Variants in ZNF704 observed in about 807,000 individuals in gnomAD.
ZNF704 encodes zinc finger protein 704.
In ZNF704, 10 loss-of-function variants were observed where a neutral mutation model predicts 44.7. The observed-to-expected ratio is 0.22, with a 90% confidence interval of 0.14 to 0.38. The LOEUF is 0.38. Among genes scored for constraint, ZNF704 ranks in the 10% least tolerant of loss-of-function variants. The pLI is 1.00. For missense variants in ZNF704, 390 were observed against 545.5 expected, an observed-to-expected ratio of 0.71 and a Z score of 2.84; for synonymous variants, 211 against 207.6, an observed-to-expected ratio of 1.02 and a Z score of -0.14.
intron 4 of ZNF704, chr8:80,673,154 A>C (rs756100654): frequency 1.9e-4 from 29 of 152,238 alleles, no homozygotes; most frequent in Admixed American, 3.3e-4. Flanking sequence ...CATGCCTTAA[A>C]TCATAATTAC....
intron 2 of ZNF704, among the ~76,000 whole-genome samples, chr8:80,767,482 T>C (rs1807247156): frequency 6.6e-6 from 1 of 152,194 alleles, no homozygotes; most frequent in Non-Finnish European, 1.5e-5. Flanking sequence ...AAATTTACTA[T>C]ATAATCAATA....
At chr8:80,768,844 TTC>T (rs1477672970) in intron 2 of ZNF704, among the ~76,000 whole-genome samples, 3 of 152,192 alleles carry the variant, frequency 2.0e-5, no homozygotes, top group African/African-American at 7.2e-5. Context: ...AAATGAGCAC[TTC>T]TTTCTTCTTC....
chr8:80,816,912 C>T (rs979883438), intron 2 of ZNF704, among the ~76,000 whole-genome samples: 1 of 152,126 alleles, frequency 6.6e-6, no homozygotes, highest in Non-Finnish European at 1.5e-5. Flanking sequence ...ATCAATCAAG[C>T]AATATCCCAG....
intron 1 of ZNF704, among the ~76,000 whole-genome samples, chr8:80,873,094 T>C (rs1331795938): frequency 6.6e-6 from 1 of 152,156 alleles, no homozygotes; most frequent in African/African-American, 2.4e-5. Flanking sequence ...GAAACACCGC[T>C]TTCTGGTTTC....
At chr8:80,654,674 T>C (rs1203335386) in intron 7 of ZNF704, among the ~76,000 whole-genome samples, 2 of 152,160 alleles carry the variant, frequency 1.3e-5, no homozygotes, top group Non-Finnish European at 2.9e-5. Flanking sequence ...TGGTGATCAT[T>C]AAAAAGTCAG....
chr8:80,801,751 G>A lies in ZNF704; in HGVS notation c.221+19623C>T, dbSNP rs182602793. 4.2e-4 allele frequency among the ~76,000 whole-genome samples: 63 copies of A among 150,934 alleles called. 1 individual carries two copies. Among genetic ancestry groups the A allele is most frequent in the African/African-American group, 1.2e-3 (49 of 41,340 alleles). ...ATTAATAACCTAAAAGAACTAAGTC[G>A]CAACTAAAAGAACTAGAGAACCAAG... On this transcript the variant is annotated intron_variant, in intron 2 of 8. Transcript: ENST00000327835.
chr8:80,661,850 A>G (rs1818107071), intron 6 of ZNF704, among the ~76,000 whole-genome samples: 1 of 152,178 alleles, frequency 6.6e-6, no homozygotes, highest in South Asian at 2.1e-4. Context: ...ACAGTTAGAT[A>G]GAAAGAATGA....
At chr8:80,880,327 G>C in the ZNF704 span, among the ~76,000 whole-genome samples, 1 of 152,184 alleles carries the variant, frequency 6.6e-6, no homozygotes, top group East Asian at 1.9e-4. Context: ...ACCAAACCAT[G>C]TAGTTCAAGA....
chr8:80,654,325 C>A (rs1046534223), intron 7 of ZNF704, among the ~76,000 whole-genome samples: 2 of 151,998 alleles, frequency 1.3e-5, no homozygotes, highest in Non-Finnish European at 2.9e-5. Context: ...GCAACAAAAG[C>A]CAAAATTGAC....
intron 2 of ZNF704, among the ~76,000 whole-genome samples, chr8:80,796,982 A>AGGGG (rs1807815787): frequency 2.6e-5 from 2 of 77,734 alleles, no homozygotes; most frequent in South Asian, 5.1e-4. Flanking sequence ...GGAGGGAGGG[A>AGGGG]GGGAGGGAGG....
rs1007106713 is a variant in ZNF704, at chr8:80,642,923, T to A, written c.1127+112A>T. On this transcript the variant is annotated intron_variant, in intron 8 of 8. Transcript: ENST00000327835. Reference sequence around the variant, plus strand: ...TGGGAAAAAAAGAAAGGGTGTTTTGTCAATTGTGGAGAAATTTTATAGAAG... The same window carrying A: ...TGGGAAAAAAAGAAAGGGTGTTTTGACAATTGTGGAGAAATTTTATAGAAG... 22 of 630,088 alleles carry A rather than the reference T, an allele frequency of 3.5e-5. No homozygotes were observed. The African/African-American group carries it at 4.0e-4, about 11-fold the overall frequency. The allele number at this position is 630,088 out of a possible 1,614,324, so 39.0% of individuals were successfully genotyped here.
At chr8:80,654,892 G>A (rs1201200186) in intron 7 of ZNF704, among the ~76,000 whole-genome samples, 6 of 152,132 alleles carry the variant, frequency 3.9e-5, no homozygotes, top group South Asian at 2.1e-4. Context: ...ACATGCACAC[G>A]TATGTTTATT....
chr8:80,711,415 CAG>C (rs1171424201), intron 2 of ZNF704, among the ~76,000 whole-genome samples: 2 of 152,114 alleles, frequency 1.3e-5, no homozygotes, highest in Non-Finnish European at 2.9e-5. Context: ...AATGGGAGGT[CAG>C]GGGTAAACTC....
At chr8:80,757,616 C>A (rs1479222749) in intron 2 of ZNF704, among the ~76,000 whole-genome samples, 1 of 152,164 alleles carries the variant, frequency 6.6e-6, no homozygotes, top group Non-Finnish European at 1.5e-5. Flanking sequence ...CCCTTCACTT[C>A]ACTCACCACT....
At position 80,633,840 on chromosome 8, in the gene ZNF704, G is replaced by A. The variant is rs1817624864; in HGVS notation, c.*7526C>T. ...TTAAAATAACTTAGTCCATCTAAAT[G>A]AAGGAAGCAACTTCTAATTTTTTTC... is the stretch of plus-strand genomic sequence containing the variant. On this transcript the variant is annotated 3_prime_UTR_variant, in exon 9 of 9. Coordinates refer to ENST00000327835, the MANE Select transcript of ZNF704 (RefSeq NM_001033723.3). The A allele has an allele frequency of 6.6e-6, 1 of 152,176 alleles. No homozygotes were observed. The highest frequency in any genetic ancestry group is 1.5e-5 in the Non-Finnish European group (1 of 68,022). 9.4% of individuals were successfully genotyped at this position (152,176 alleles called of 1,614,324 possible).
At chr8:80,807,264 A>C (rs1361270173) in intron 2 of ZNF704, among the ~76,000 whole-genome samples, 1 of 152,062 alleles carries the variant, frequency 6.6e-6, no homozygotes, top group East Asian at 1.9e-4. Flanking sequence ...AGAGGGTAGG[A>C]GATAAACCTG....
intron 2 of ZNF704, among the ~76,000 whole-genome samples, chr8:80,725,201 T>C (rs976340784): frequency 6.6e-6 from 1 of 151,968 alleles, no homozygotes; most frequent in African/African-American, 2.4e-5. Flanking sequence ...GCAGAAGGAG[T>C]ATAGTGGGGA....
In ZNF704 at chr8:80,640,802, C is replaced by T. The variant is rs1055497637; in HGVS notation, c.*564G>A. ...GGGCCATTCTTAAAAGAAAAACAAA[C>T]AAAAAGCCATAGAAAAGATGCCCAG... On this transcript the variant is annotated 3_prime_UTR_variant, in exon 9 of 9. Coordinates refer to ENST00000327835, the MANE Select transcript of ZNF704 (RefSeq NM_001033723.3). 6.6e-6 allele frequency: 1 copy of T among 152,184 alleles called. No individual in the cohort carries two copies. The highest frequency in any genetic ancestry group is 1.5e-5 in the Non-Finnish European group (1 of 68,054). 9.4% of individuals were successfully genotyped at this position (152,184 alleles called of 1,614,324 possible). A position where few individuals can be genotyped will look rare whatever the true frequency, so the allele number is the denominator to read the frequency against.
At chr8:80,663,177 C>T (rs7819502) in intron 6 of ZNF704, among the ~76,000 whole-genome samples, 5,623 of 151,900 alleles carry the variant, frequency 0.037, 339 homozygotes, top group African/African-American at 0.13. Flanking sequence ...GACAGGAGTT[C>T]GAGACCAGCC....
Sources: allele counts gnomAD v4.1 joint callset (sites outside exome capture counted in the v4.1 genomes callset), GRCh38; gene constraint gnomAD v4.1.1; transcripts MANE v1.5; gene names NCBI Gene and HGNC (gene_info 2026-07-23, HGNC 2026-07-21).